ACER3: variants seen among roughly 807,000 people sequenced by gnomAD.
The protein encoded by ACER3 is alkaline ceramidase 3, also known as alkCDase 3.
Under a neutral mutation model 48.9 loss-of-function variants are expected in ACER3, and 16 were observed. The ratio of observed to expected loss-of-function variants is 0.33; its 90% CI spans 0.22 to 0.50. The LOEUF (loss-of-function observed/expected upper bound fraction) is 0.50, where lower values mean the gene tolerates loss of function less well. Ranked by LOEUF, ACER3 falls within the 20% of genes least tolerant of loss-of-function variation. ACER3 has a pLI of 0.98. For missense variants in ACER3, 227 were observed against 326.0 expected (o/e 0.70, Z 2.34); for synonymous variants, 109 against 107.8 (o/e 1.01, Z -0.07).
intron 7 of ACER3, among the ~76,000 whole-genome samples, chr11:77,002,189 G>T (rs1555019975): frequency 2.0e-5 from 3 of 152,118 alleles, no homozygotes; most frequent in African/African-American, 7.2e-5. Flanking sequence ...AGTACAGGGG[G>T]TTAGGACTTT....
intron 1 of ACER3, among the ~76,000 whole-genome samples, chr11:76,914,129 A>G (rs917816148): frequency 6.6e-5 from 10 of 152,232 alleles, no homozygotes; most frequent in Non-Finnish European, 1.2e-4. Context: ...CATTCAGGAC[A>G]TAGGCATGGG....
rs1336087249 is a variant in ACER3, at chr11:76,868,383, C to CTGTGTG, written c.103+7305_103+7306insGTGTGT. 5.6e-3 allele frequency: 2,935 copies of CTGTGTG among 524,142 alleles called. 16 individuals carry two copies. The highest frequency in any genetic ancestry group is 0.015 in the Admixed American group (368 of 23,788). The allele number at this position is 524,142 out of a possible 1,614,324, so 32.5% of individuals were successfully genotyped here. On this transcript the variant is annotated intron_variant, in intron 1 of 10. Transcript: ENST00000532485. ...AAGAGTTTAGTTTTAATATCTCTCT[C>CTGTGTG]TCTCTCTCTGTGTGTGTGTGTGTGT... is the stretch of plus-strand genomic sequence containing the variant.
chr11:76,915,085 G>GC (rs756512659), intron 1 of ACER3, among the ~76,000 whole-genome samples: 22 of 152,160 alleles, frequency 1.4e-4, no homozygotes, highest in South Asian at 2.1e-4. Flanking sequence ...TATACCTAAT[G>GC]TAAATGACGA....
chr11:76,894,174 G>T (rs146627984), intron 1 of ACER3, among the ~76,000 whole-genome samples: 1,531 of 152,192 alleles, frequency 0.01, 12 homozygotes, highest in Non-Finnish European at 0.016. Context: ...AGCTACTCAG[G>T]AGGCTGAGGT....
At chr11:76,908,339 A>G (rs1369087782) in intron 1 of ACER3, among the ~76,000 whole-genome samples, 1 of 152,236 alleles carries the variant, frequency 6.6e-6, no homozygotes, top group East Asian at 1.9e-4. Context: ...ATATGATTGT[A>G]TATTAGAAAA....
At chr11:76,939,805 T>C (rs1053939855) in intron 2 of ACER3, among the ~76,000 whole-genome samples, 11 of 152,130 alleles carry the variant, frequency 7.2e-5, no homozygotes, top group African/African-American at 2.7e-4. Context: ...GAAAAACAAA[T>C]AATTCATCTT....
At chr11:76,865,081 C>T (rs1489601220) in intron 1 of ACER3, among the ~76,000 whole-genome samples, 12 of 151,738 alleles carry the variant, frequency 7.9e-5, no homozygotes, top group Non-Finnish European at 1.5e-5. Context: ...TCAAGTGATC[C>T]TGCCACCTCA....
chr11:76,864,879 G>A lies in ACER3; in HGVS notation c.103+3800G>A, dbSNP rs553884273. ...CTCCCAAAGTGCTGGGATTACAGGC[G>A]TGAACTTCCATGCCCAGTTGTCTTT... On this transcript the variant is annotated intron_variant, in intron 1 of 10. Transcript: ENST00000532485. Among the ~76,000 whole-genome samples the A allele has an allele frequency of 9.3e-5, 14 of 150,360 alleles. No homozygotes were observed. The East Asian group carries it at 2.5e-3, about 27-fold the overall frequency.
intron 2 of ACER3, among the ~76,000 whole-genome samples, chr11:76,939,242 GTGTT>G (rs1488875153): frequency 1.3e-5 from 2 of 152,192 alleles, no homozygotes; most frequent in Non-Finnish European, 2.9e-5. Context: ...TTTGGTCAGA[GTGTT>G]TGGTCAACAA....
chr11:76,926,391 G>T (rs779012541), intron 1 of ACER3, among the ~76,000 whole-genome samples, 166 bp from the exon 2 acceptor site: 2 of 152,174 alleles, frequency 1.3e-5, no homozygotes, highest in Non-Finnish European at 2.9e-5. Context: ...ATTATTGTGA[G>T]AAATTTTTGG....
chr11:76,863,236 T>C (rs539754154), intron 1 of ACER3, among the ~76,000 whole-genome samples: 2 of 152,042 alleles, frequency 1.3e-5, no homozygotes, highest in East Asian at 3.9e-4. Flanking sequence ...ACAAAAAAAA[T>C]ATAAAAAATG....
chr11:76,950,141 G>A lies in ACER3; in HGVS notation c.215-8838G>A, dbSNP rs150192696. 4.4e-3 allele frequency among the ~76,000 whole-genome samples: 661 copies of A among 151,626 alleles called. 10 individuals carry two copies. Among genetic ancestry groups the A allele is most frequent in the African/African-American group, 0.015 (629 of 41,430 alleles). ...AATACAGTGCACACTATAGCATTTA[G>A]TGCACCATATTGTAATTATCTGTGT... is the stretch of plus-strand genomic sequence containing the variant. On this transcript the variant is annotated intron_variant, in intron 2 of 10. Coordinates refer to ENST00000532485, the MANE Select transcript of ACER3 (RefSeq NM_018367.7).
chr11:76,926,960 G>C (rs1284969487), intron 2 of ACER3, among the ~76,000 whole-genome samples: 1 of 151,980 alleles, frequency 6.6e-6, no homozygotes, highest in African/African-American at 2.4e-5. Flanking sequence ...TATAATATTT[G>C]TTTCAGATCT....
intron 1 of ACER3, among the ~76,000 whole-genome samples, chr11:76,861,528 A>T (rs370176093): frequency 6.6e-6 from 1 of 152,028 alleles, no homozygotes; most frequent in Admixed American, 6.6e-5. Context: ...CTTTCCCCCA[A>T]TCCGTGAGAA....
intron 1 of ACER3, among the ~76,000 whole-genome samples, chr11:76,882,446 T>G (rs1260304536): frequency 6.6e-6 from 1 of 152,220 alleles, no homozygotes; most frequent in Non-Finnish European, 1.5e-5. Flanking sequence ...TATTGTATTT[T>G]CAGTTGTAGA....
chr11:76,867,337 T>G (rs1190428345), intron 1 of ACER3, among the ~76,000 whole-genome samples: 3 of 151,612 alleles, frequency 2.0e-5, no homozygotes, highest in Non-Finnish European at 2.9e-5. Context: ...GGTGTGGTGG[T>G]ATGTGCCTGT....
chr11:76,875,043 C>G (rs1282239929), intron 1 of ACER3, among the ~76,000 whole-genome samples: 2 of 149,476 alleles, frequency 1.3e-5, no homozygotes, highest in African/African-American at 4.9e-5. Context: ...TTCTGTTTCC[C>G]TTTGAGGACT....
chr11:76,864,743 G>T lies in ACER3; in HGVS notation c.103+3664G>T, dbSNP rs1390427561. ...GCCTCCCAAGTAGCTGGGATTACAGGCGCATGCCACCACGCCTGGCTAATT... is the reference window on the plus strand; with the variant it reads ...GCCTCCCAAGTAGCTGGGATTACAGTCGCATGCCACCACGCCTGGCTAATT... On this transcript the variant is annotated intron_variant, in intron 1 of 10. Coordinates refer to ENST00000532485, the MANE Select transcript of ACER3 (RefSeq NM_018367.7). Among the ~76,000 whole-genome samples, 4 of 151,446 alleles carry T rather than the reference G, an allele frequency of 2.6e-5. No individual in the cohort carries two copies. The South Asian group carries it at 6.3e-4, about 24-fold the overall frequency.
At chr11:77,015,494 G>A (rs1219202271) in intron 8 of ACER3, among the ~76,000 whole-genome samples, 3 of 152,124 alleles carry the variant, frequency 2.0e-5, no homozygotes, top group African/African-American at 7.2e-5. Context: ...TATGCTTAAT[G>A]TTATTTTCTA....
Sources: allele counts gnomAD v4.1 joint callset (sites outside exome capture counted in the v4.1 genomes callset), GRCh38; gene constraint gnomAD v4.1.1; transcripts MANE v1.5; gene names NCBI Gene and HGNC (gene_info 2026-07-23, HGNC 2026-07-21).